The following ZSWIM5 variants were observed in gnomAD, a reference collection of about 807,000 sequenced individuals.
The protein encoded by ZSWIM5 is zinc finger SWIM domain-containing protein 5.
A neutral mutation model predicts 119.6 loss-of-function variants in ZSWIM5; 55 were observed. The ratio of observed to expected loss-of-function variants is 0.46; its 90% confidence interval spans 0.37 to 0.58. ZSWIM5 has a LOEUF of 0.58. ZSWIM5 is among the 20% of genes least tolerant of loss of function. ZSWIM5 has a pLI of 0.00. For synonymous variants in ZSWIM5, 537 were observed against 606.9 expected, an observed-to-expected ratio of 0.88 and a Z score of 1.69; for missense variants, 1,193 against 1,512.8, an observed-to-expected ratio of 0.79 and a Z score of 3.51.
At chr1:45,061,100 ATAGT>A (rs1570042371) in intron 2 of ZSWIM5, among the ~76,000 whole-genome samples, 2 of 152,162 alleles carry the variant, frequency 1.3e-5, no homozygotes, top group East Asian at 3.9e-4. Context: ...CACTTAAAAC[ATAGT>A]TATAGTTATT....
chr1:45,081,191 C>T, intron 2 of ZSWIM5, among the ~76,000 whole-genome samples: 1 of 152,080 alleles, frequency 6.6e-6, no homozygotes, highest in Non-Finnish European at 1.5e-5. Flanking sequence ...CTTTCTCCCT[C>T]AGTTCCAGGT....
intron 1 of ZSWIM5, among the ~76,000 whole-genome samples, chr1:45,158,009 G>A (rs1570161568): frequency 6.6e-6 from 1 of 151,790 alleles, no homozygotes; most frequent in South Asian, 2.1e-4. Context: ...ATCTTATTGA[G>A]TTTTCTTTTT....
intron 1 of ZSWIM5, among the ~76,000 whole-genome samples, chr1:45,141,294 C>A (rs1039554126): frequency 2.0e-5 from 3 of 152,034 alleles, no homozygotes; most frequent in Non-Finnish European, 4.4e-5. Flanking sequence ...CCTAGATATG[C>A]AAGTATACAT....
chr1:45,133,481 T>C (rs1645671340), intron 1 of ZSWIM5, among the ~76,000 whole-genome samples: 1 of 152,228 alleles, frequency 6.6e-6, no homozygotes, highest in Non-Finnish European at 1.5e-5. Flanking sequence ...TGTAAATTTG[T>C]TTGAGTTCTT....
chr1:45,129,246 C>T (rs1645640440), intron 1 of ZSWIM5, among the ~76,000 whole-genome samples: 1 of 148,820 alleles, frequency 6.7e-6, no homozygotes, highest in Non-Finnish European at 1.5e-5. Context: ...GCAAGCTCTG[C>T]CTCCTGAGTT....
chr1:45,200,613 C>T (rs1646152858), intron 1 of ZSWIM5, among the ~76,000 whole-genome samples: 1 of 151,918 alleles, frequency 6.6e-6, no homozygotes, highest in South Asian at 2.1e-4. Context: ...TATATGTATA[C>T]CATGAGTGCT....
chr1:45,136,317 C>T (rs928578948), intron 1 of ZSWIM5, among the ~76,000 whole-genome samples: 2 of 152,022 alleles, frequency 1.3e-5, no homozygotes, highest in Non-Finnish European at 2.9e-5. Context: ...ACATCAAATT[C>T]ATAATATATA....
chr1:45,197,427 T>G (rs1646133297), intron 1 of ZSWIM5, among the ~76,000 whole-genome samples: 1 of 152,230 alleles, frequency 6.6e-6, no homozygotes, highest in African/African-American at 2.4e-5. Flanking sequence ...GTTTCTTTTA[T>G]TTAGCATAAT....
intron 1 of ZSWIM5, among the ~76,000 whole-genome samples, chr1:45,151,189 T>C (rs1288815575): frequency 6.6e-6 from 1 of 152,094 alleles, no homozygotes; most frequent in African/African-American, 2.4e-5. Flanking sequence ...TTCACCATAG[T>C]ATTTACTACC....
intron 2 of ZSWIM5, among the ~76,000 whole-genome samples, chr1:45,061,718 A>T (rs2149001076): frequency 6.8e-6 from 1 of 147,180 alleles, no homozygotes; most frequent in South Asian, 2.2e-4. Flanking sequence ...AAGCCAATTA[A>T]CATACCCATC....
At chr1:45,191,863 T>C (rs746140277) in intron 1 of ZSWIM5, among the ~76,000 whole-genome samples, 3 of 152,236 alleles carry the variant, frequency 2.0e-5, no homozygotes, top group South Asian at 2.1e-4. Flanking sequence ...ATATAATTCA[T>C]ACATAATAGA....
At position 45,034,332 on chromosome 1, in the gene ZSWIM5, G is replaced by A. The variant is rs1194517765; in HGVS notation, c.2429C>T (p.Thr810Ile). ...CTCACCTTTGGCAGCAGTCAGCATG[G>A]TGGAGGCCAGTTCACACTGCTGTGA... ...LESQQCELAS[T>I]MLTAAKGDTL... Residue 810 changes from threonine to isoleucine, a missense_variant, in exon 11 of 14, where the codon ACC becomes ATC. Transcript: ENST00000359600. 6.2e-7 allele frequency: 1 copy of A among 1,611,316 alleles called. No individual in the cohort carries two copies. The highest frequency in any genetic ancestry group is 8.5e-7 in the Non-Finnish European group (1 of 1,178,772).
At chr1:45,194,721 CA>C (rs1229731825) in intron 1 of ZSWIM5, among the ~76,000 whole-genome samples, 2 of 151,818 alleles carry the variant, frequency 1.3e-5, no homozygotes, top group Non-Finnish European at 2.9e-5. Flanking sequence ...ACTAAAAATA[CA>C]AAAAATCAGC....
intron 5 of ZSWIM5, among the ~76,000 whole-genome samples, 171 bp from the exon 6 acceptor site, chr1:45,043,566 A>G (rs1175712962): frequency 1.3e-5 from 2 of 152,352 alleles, no homozygotes; most frequent in African/African-American, 2.4e-5. Context: ...GCCACTTGCA[A>G]TCTCTCTGAG....
At chr1:45,046,776 A>G (rs1211803756) in intron 5 of ZSWIM5, among the ~76,000 whole-genome samples, 1 of 151,978 alleles carries the variant, frequency 6.6e-6, no homozygotes, top group Non-Finnish European at 1.5e-5. Context: ...CTGTAATCCC[A>G]GCACTTTGAG....
At chr1:45,205,013 C>G (rs1336841377) in intron 1 of ZSWIM5, among the ~76,000 whole-genome samples, 1 of 151,868 alleles carries the variant, frequency 6.6e-6, no homozygotes, top group Non-Finnish European at 1.5e-5. Context: ...AAGATAAAAG[C>G]AAATAGGACT....
At chr1:45,143,550 AT>A (rs1645743025) in intron 1 of ZSWIM5, among the ~76,000 whole-genome samples, 1 of 152,166 alleles carries the variant, frequency 6.6e-6, no homozygotes, top group Non-Finnish European at 1.5e-5. Flanking sequence ...AAAATCCTCC[AT>A]CTAACAAAAT....
chr1:45,047,741 A>C (rs1458209230), intron 5 of ZSWIM5, among the ~76,000 whole-genome samples: 1 of 152,128 alleles, frequency 6.6e-6, no homozygotes, highest in African/African-American at 2.4e-5. Context: ...TAATTCTCTG[A>C]CCTTCTAGAA....
chr1:45,171,707 A>G (rs944628124), intron 1 of ZSWIM5, among the ~76,000 whole-genome samples: 2 of 152,134 alleles, frequency 1.3e-5, no homozygotes, highest in Non-Finnish European at 2.9e-5. Flanking sequence ...AACATTAACC[A>G]ATACTATCAA....
Sources: allele counts gnomAD v4.1 joint callset (sites outside exome capture counted in the v4.1 genomes callset), GRCh38; gene constraint gnomAD v4.1.1; transcripts MANE v1.5; gene names NCBI Gene and HGNC (gene_info 2026-07-23, HGNC 2026-07-21).